PTPRD: variants seen among roughly 807,000 people sequenced by gnomAD.
PTPRD encodes receptor-type tyrosine-protein phosphatase delta.
In PTPRD, 34 loss-of-function variants were observed where a neutral mutation model predicts 214.5. The observed-to-expected ratio is 0.16, with a 90% CI of 0.12 to 0.21. PTPRD has a LOEUF of 0.21. PTPRD is among the 10% of genes least tolerant of loss of function. The pLI, the probability that PTPRD is intolerant of heterozygous loss-of-function variation, is 1.00. For synonymous variants in PTPRD, 1,128 were observed against 845.7 expected, an observed-to-expected ratio of 1.33 and a Z score of -5.79; for missense variants, 2,545 against 2,398.7, an observed-to-expected ratio of 1.06 and a Z score of -1.27.
chr9:10,360,572 T>G (rs1363965633), intron 2 of PTPRD, among the ~76,000 whole-genome samples: 2 of 152,240 alleles, frequency 1.3e-5, no homozygotes, highest in Admixed American at 1.3e-4. Flanking sequence ...CGACATGGCA[T>G]GCACCAGCTT....
At chr9:9,852,344 G>T (rs1462897865) in intron 5 of PTPRD, among the ~76,000 whole-genome samples, 1 of 151,926 alleles carries the variant, frequency 6.6e-6, no homozygotes, top group Admixed American at 6.6e-5. Context: ...TTTTTTGTTA[G>T]CTATTATTCC....
intron 3 of PTPRD, among the ~76,000 whole-genome samples, chr9:10,202,276 T>C (rs889159638): frequency 3.7e-4 from 56 of 151,966 alleles, no homozygotes; most frequent in African/African-American, 1.2e-3. Flanking sequence ...AGTCATAGCA[T>C]CCTCAGATTT....
chr9:9,474,336 A>G (rs1281886548), intron 8 of PTPRD, among the ~76,000 whole-genome samples: 2 of 151,934 alleles, frequency 1.3e-5, no homozygotes, highest in African/African-American at 2.4e-5. Context: ...TACCAATATC[A>G]TGCCGTATTG....
intron 2 of PTPRD, among the ~76,000 whole-genome samples, chr9:10,494,544 A>C (rs891509284): frequency 1.3e-5 from 2 of 151,486 alleles, no homozygotes; most frequent in Admixed American, 1.3e-4. Flanking sequence ...AGATGGTTTA[A>C]ATTCCAGCAT....
intron 2 of PTPRD, among the ~76,000 whole-genome samples, chr9:10,406,490 T>C (rs1212245722): frequency 6.6e-6 from 1 of 151,562 alleles, no homozygotes; most frequent in Non-Finnish European, 1.5e-5. Flanking sequence ...GACAACATTC[T>C]GACTTTGGAA....
chr9:10,235,472 C>T (rs1480068782), intron 3 of PTPRD, among the ~76,000 whole-genome samples: 1 of 151,938 alleles, frequency 6.6e-6, no homozygotes, highest in Non-Finnish European at 1.5e-5. Context: ...ACCAGGAAGG[C>T]TATGGTATCC....
At chr9:8,557,718 G>C (rs900061348) in intron 14 of PTPRD, among the ~76,000 whole-genome samples, 1 of 142,176 alleles carries the variant, frequency 7.0e-6, no homozygotes. Flanking sequence ...ATTCCAGCCT[G>C]GGTGACAGAG....
chr9:8,986,436 A>T (rs937794096), intron 11 of PTPRD, among the ~76,000 whole-genome samples: 2 of 151,936 alleles, frequency 1.3e-5, no homozygotes, highest in Non-Finnish European at 2.9e-5. Context: ...TGTGTTTTAA[A>T]ATATATATAT....
At chr9:10,024,483 G>A (rs1249613125) in intron 4 of PTPRD, among the ~76,000 whole-genome samples, 2 of 151,952 alleles carry the variant, frequency 1.3e-5, no homozygotes, top group Admixed American at 1.3e-4. Flanking sequence ...ATACTTTAAG[G>A]AAAAATATGA....
At chr9:9,880,409 A>T (rs551616561) in intron 5 of PTPRD, among the ~76,000 whole-genome samples, 5 of 152,214 alleles carry the variant, frequency 3.3e-5, no homozygotes, top group South Asian at 2.1e-4. Flanking sequence ...ATGTTAATGT[A>T]CTCCTCAGAT....
At chr9:9,583,372 C>A (rs948803449) in intron 7 of PTPRD, among the ~76,000 whole-genome samples, 13 of 151,996 alleles carry the variant, frequency 8.6e-5, no homozygotes, top group Non-Finnish European at 1.9e-4. Flanking sequence ...ACACTAAAAT[C>A]TTATTAAAAT....
At chr9:8,739,524 G>A (rs997493005) in intron 11 of PTPRD, among the ~76,000 whole-genome samples, 2 of 152,080 alleles carry the variant, frequency 1.3e-5, no homozygotes, top group African/African-American at 4.8e-5. Flanking sequence ...CTACCCTATT[G>A]GACAGCACAG....
intron 2 of PTPRD, among the ~76,000 whole-genome samples, chr9:10,500,264 C>A (rs2043254682): frequency 6.6e-6 from 1 of 151,758 alleles, no homozygotes; most frequent in South Asian, 2.1e-4. Flanking sequence ...ATCCCTGAAA[C>A]TATTAACTCC....
intron 4 of PTPRD, among the ~76,000 whole-genome samples, chr9:9,974,971 A>T (rs574880049): frequency 6.6e-6 from 1 of 152,190 alleles, no homozygotes; most frequent in Non-Finnish European, 1.5e-5. Context: ...CTGGCGAAGA[A>T]TCTGAAAATA....
intron 3 of PTPRD, among the ~76,000 whole-genome samples, chr9:10,296,378 G>A (rs189325214): frequency 6.6e-6 from 1 of 152,082 alleles, no homozygotes; most frequent in African/African-American, 2.4e-5. Flanking sequence ...ACCCAGCCAT[G>A]CCTCTCAAAA....
intron 14 of PTPRD, among the ~76,000 whole-genome samples, chr9:8,542,110 C>A (rs2078598268): frequency 6.6e-6 from 1 of 151,918 alleles, no homozygotes; most frequent in Admixed American, 6.6e-5. Flanking sequence ...GGGTTTCAGG[C>A]AAAACCTGAG....
At chr9:10,083,183 C>A (rs111239883) in intron 3 of PTPRD, among the ~76,000 whole-genome samples, 3 of 151,902 alleles carry the variant, frequency 2.0e-5, no homozygotes, top group African/African-American at 4.8e-5. Context: ...AGAAATTGTT[C>A]TCTTATTATT....
At chr9:8,566,603 C>G (rs1273906489) in intron 14 of PTPRD, among the ~76,000 whole-genome samples, 1 of 152,128 alleles carries the variant, frequency 6.6e-6, no homozygotes, top group Non-Finnish European at 1.5e-5. Flanking sequence ...CAGTAGCTCT[C>G]ACTAACTGAA....
chr9:9,914,964 C>G (rs1201744132), intron 5 of PTPRD, among the ~76,000 whole-genome samples: 1 of 152,200 alleles, frequency 6.6e-6, no homozygotes, highest in South Asian at 2.1e-4. Flanking sequence ...TAGCCCCAAA[C>G]CCAGTGAGCC....
Sources: gnomAD v4.1 joint callset for allele counts (sites outside exome capture counted in the v4.1 genomes callset) on GRCh38, gnomAD v4.1.1 for gene constraint, MANE v1.5 for transcripts, NCBI Gene and HGNC (gene_info 2026-07-23, HGNC 2026-07-21) for gene names.